SKAP2: variants seen among roughly 807,000 people sequenced by gnomAD.
The protein encoded by SKAP2 is src kinase-associated phosphoprotein 2.
SKAP2 carries 28 observed loss-of-function variants against 54.9 expected under a neutral mutation model. The observed-to-expected ratio is 0.51, with a 90% confidence interval of 0.38 to 0.70. SKAP2 has a LOEUF of 0.70. SKAP2 is among the 30% of genes least tolerant of loss of function. SKAP2 has a pLI of 0.00. For missense variants in SKAP2, 356 were observed against 424.1 expected (o/e 0.84, Z 1.41); for synonymous variants, 137 against 134.3 (o/e 1.02, Z -0.14).
chr7:26,806,535 A>G (rs1229939782), intron 4 of SKAP2, among the ~76,000 whole-genome samples: 1 of 152,254 alleles, frequency 6.6e-6, no homozygotes, highest in Admixed American at 6.5e-5. Flanking sequence ...AAACAAAGCT[A>G]GAAATGATTA....
intron 4 of SKAP2, among the ~76,000 whole-genome samples, chr7:26,790,125 T>C (rs573998395): frequency 2.6e-5 from 4 of 152,210 alleles, no homozygotes; most frequent in Non-Finnish European, 5.9e-5. Context: ...CATTCTATAG[T>C]TAAACACCTT....
At chr7:26,681,050 T>A (rs1242774543) in intron 11 of SKAP2, among the ~76,000 whole-genome samples, 1 of 152,148 alleles carries the variant, frequency 6.6e-6, no homozygotes, top group Admixed American at 6.5e-5. Context: ...AAACAGAAAA[T>A]AATATATTGA....
At chr7:26,820,744 C>A (rs1218926051) in intron 4 of SKAP2, among the ~76,000 whole-genome samples, 1 of 151,134 alleles carries the variant, frequency 6.6e-6, no homozygotes, top group Non-Finnish European at 1.5e-5. Context: ...TAGCTACTCA[C>A]AATATGATAT....
At chr7:26,783,465 C>T (rs1487180573) in intron 4 of SKAP2, among the ~76,000 whole-genome samples, 1 of 152,076 alleles carries the variant, frequency 6.6e-6, no homozygotes, top group Non-Finnish European at 1.5e-5. Context: ...CCAGAACAAA[C>T]CAACTACAAA....
At chr7:26,791,702 A>G (rs1366725020) in intron 4 of SKAP2, among the ~76,000 whole-genome samples, 1 of 152,246 alleles carries the variant, frequency 6.6e-6, no homozygotes, top group Non-Finnish European at 1.5e-5. Flanking sequence ...TAAAATGAAG[A>G]AAGGGACAAT....
chr7:26,693,838 A>T (rs1156397810), intron 9 of SKAP2, among the ~76,000 whole-genome samples: 1 of 152,306 alleles, frequency 6.6e-6, no homozygotes, highest in African/African-American at 2.4e-5. Flanking sequence ...AATAGCTTCC[A>T]TATAAAAGAT....
intron 4 of SKAP2, among the ~76,000 whole-genome samples, chr7:26,813,910 T>C (rs1484152465): frequency 6.6e-6 from 1 of 152,232 alleles, no homozygotes; most frequent in East Asian, 1.9e-4. Context: ...AATGTTCTAC[T>C]GTCCCCTTTA....
Position 26,690,376 on chromosome 7 carries a change from T to A in SKAP2, c.797-14A>T. 1 of 1,569,700 alleles carries A rather than the reference T, an allele frequency of 6.4e-7. No individual in the cohort carries two copies. Among genetic ancestry groups the A allele is most frequent in the Non-Finnish European group, 8.8e-7 (1 of 1,139,630 alleles). ...CCTCTTCTTCTTCTGTAAATAAACA[T>A]TATCAATGGCACATTGAAGGGTTTT... On this transcript the variant is annotated splice_polypyrimidine_tract_variant and intron_variant, in intron 9 of 12. Transcript: ENST00000345317.
At chr7:26,735,392 T>C (rs1439576954) in intron 6 of SKAP2, among the ~76,000 whole-genome samples, 1 of 152,180 alleles carries the variant, frequency 6.6e-6, no homozygotes, top group Admixed American at 6.5e-5. Context: ...TATATGTATT[T>C]GTTACTTAAG....
At chr7:26,744,559 G>A (rs974920042) in intron 4 of SKAP2, among the ~76,000 whole-genome samples, 4 of 152,122 alleles carry the variant, frequency 2.6e-5, no homozygotes, top group Non-Finnish European at 4.4e-5. Flanking sequence ...AAGAGCTAGA[G>A]TTGAGGAGAA....
intron 9 of SKAP2, among the ~76,000 whole-genome samples, chr7:26,695,169 A>C (rs1335739976): frequency 6.6e-6 from 1 of 152,222 alleles, no homozygotes. Context: ...CACCTTTCTC[A>C]CTAAATACCC....
chr7:26,676,985 A>C (rs1325774671), intron 11 of SKAP2, among the ~76,000 whole-genome samples: 1 of 152,170 alleles, frequency 6.6e-6, no homozygotes, highest in Non-Finnish European at 1.5e-5. Flanking sequence ...GTTAACACAC[A>C]AGGTACAGGC....
intron 4 of SKAP2, among the ~76,000 whole-genome samples, chr7:26,747,958 C>T (rs727449): frequency 0.7 from 107,050 of 152,040 alleles, 37,962 homozygotes; most frequent in East Asian, 0.9. Flanking sequence ...ATTGTGTTCA[C>T]CAACATCCAT....
At chr7:26,768,343 C>G (rs1392441955) in intron 4 of SKAP2, among the ~76,000 whole-genome samples, 1 of 149,334 alleles carries the variant, frequency 6.7e-6, no homozygotes, top group Non-Finnish European at 1.5e-5. Context: ...TATTTTGACT[C>G]TATTTGTGTC....
At chr7:26,768,151 T>A (rs1409740348) in intron 4 of SKAP2, among the ~76,000 whole-genome samples, 2 of 152,232 alleles carry the variant, frequency 1.3e-5, no homozygotes, top group Non-Finnish European at 2.9e-5. Context: ...CTGTATTGGA[T>A]GCATATATAT....
intron 4 of SKAP2, among the ~76,000 whole-genome samples, chr7:26,838,538 T>C (rs1359814284): frequency 1.3e-5 from 2 of 152,218 alleles, no homozygotes; most frequent in East Asian, 1.9e-4. Context: ...TCAATTATAA[T>C]GAAAACCTGG....
At chr7:26,792,943 C>T (rs186912131) in intron 4 of SKAP2, among the ~76,000 whole-genome samples, 4 of 152,290 alleles carry the variant, frequency 2.6e-5, no homozygotes, top group Admixed American at 2.6e-4. Context: ...TTAATCAATA[C>T]ATTGCAGAAA....
intron 6 of SKAP2, among the ~76,000 whole-genome samples, chr7:26,735,647 TA>T (rs1158097585): frequency 6.6e-6 from 1 of 152,234 alleles, no homozygotes; most frequent in Non-Finnish European, 1.5e-5. Context: ...TCCATTTATC[TA>T]AATCCTACTT....
intron 3 of SKAP2, chr7:26,847,921 T>C (rs1219932114): frequency 6.6e-6 from 1 of 152,212 alleles, no homozygotes; most frequent in Non-Finnish European, 1.5e-5. Context: ...AAGCATTTGA[T>C]TTATCCCACA....
Sources: gnomAD v4.1 joint callset for allele counts (sites outside exome capture counted in the v4.1 genomes callset) on GRCh38, gnomAD v4.1.1 for gene constraint, MANE v1.5 for transcripts, NCBI Gene and HGNC (gene_info 2026-07-23, HGNC 2026-07-21) for gene names.